Variants in PAK1 observed in about 807,000 individuals in gnomAD.
The protein encoded by PAK1 is serine/threonine-protein kinase PAK 1.
A neutral mutation model predicts 67.4 loss-of-function variants in PAK1; 29 were observed. The observed-to-expected ratio is 0.43, with a 90% CI of 0.32 to 0.59. The LOEUF is 0.59. Ranked by LOEUF, PAK1 falls within the 20% of genes least tolerant of loss-of-function variation. The pLI is 0.07. For missense variants in PAK1, 337 were observed against 670.7 expected, an observed-to-expected ratio of 0.50 and a Z score of 5.50; for synonymous variants, 223 against 237.4, an observed-to-expected ratio of 0.94 and a Z score of 0.56.
chr11:77,405,578 G>A (rs1953368795), intron 1 of PAK1, among the ~76,000 whole-genome samples: 1 of 150,754 alleles, frequency 6.6e-6, no homozygotes, highest in South Asian at 2.1e-4. Flanking sequence ...GAAAAATTAA[G>A]ATGGTATCTA....
At chr11:77,451,205 GAGAAAACAGCAGACGCA>G (rs557066072) in intron 1 of PAK1, among the ~76,000 whole-genome samples, 124 of 152,300 alleles carry the variant, frequency 8.1e-4, no homozygotes, top group African/African-American at 2.8e-3. Flanking sequence ...CTTAGCATAT[GAGAAAACAGCAGACGCA>G]AGAAAGTATT....
intron 1 of PAK1, among the ~76,000 whole-genome samples, chr11:77,411,063 C>A (rs1006569167): frequency 6.6e-6 from 1 of 152,046 alleles, no homozygotes; most frequent in Non-Finnish European, 1.5e-5. Flanking sequence ...ACCTACGCAT[C>A]ACACTAAAAT....
intron 1 of PAK1, among the ~76,000 whole-genome samples, chr11:77,458,419 T>C (rs1565717121): frequency 6.6e-6 from 1 of 152,200 alleles, no homozygotes; most frequent in Non-Finnish European, 1.5e-5. Flanking sequence ...CCTCCGAATG[T>C]CCTGTTATGT....
Position 77,387,371 on chromosome 11 carries a change from G to A in PAK1, c.190+4960C>T, listed in dbSNP as rs555796145. Reference sequence around the variant, plus strand: ...TACAGGCGTGAGCCACTTGCACCCCGCCCTGTATTTTTTAAAAGCACCATA... The same window carrying A: ...TACAGGCGTGAGCCACTTGCACCCCACCCTGTATTTTTTAAAAGCACCATA... On this transcript the variant is annotated intron_variant, in intron 2 of 14. Coordinates refer to ENST00000356341, the MANE Select transcript of PAK1 (RefSeq NM_002576.5). Among the ~76,000 whole-genome samples, 178 of 152,210 alleles carry A rather than the reference G, an allele frequency of 1.2e-3. 1 individual carries two copies. Among genetic ancestry groups the A allele is most frequent in the African/African-American group, 3.6e-3 (148 of 41,528 alleles).
intron 9 of PAK1, among the ~76,000 whole-genome samples, chr11:77,345,904 C>T (rs184009110): frequency 6.6e-6 from 1 of 152,178 alleles, no homozygotes; most frequent in African/African-American, 2.4e-5. Flanking sequence ...GTGGTCACTG[C>T]TGGCAGCAGC....
chr11:77,415,819 C>T (rs1013524693), intron 1 of PAK1, among the ~76,000 whole-genome samples: 4 of 151,802 alleles, frequency 2.6e-5, no homozygotes, highest in Admixed American at 1.3e-4. Context: ...AATAAATTAA[C>T]CTTAACTTCC....
At chr11:77,399,212 G>A (rs1952259474) in intron 1 of PAK1, among the ~76,000 whole-genome samples, 1 of 152,138 alleles carries the variant, frequency 6.6e-6, no homozygotes, top group African/African-American at 2.4e-5. Context: ...AATATGACCT[G>A]ACCCTAGAGG....
intron 14 of PAK1, among the ~76,000 whole-genome samples, chr11:77,324,542 A>G (rs1939231950): frequency 6.6e-6 from 1 of 152,066 alleles, no homozygotes. Flanking sequence ...AACATTTAGT[A>G]GTAAAAAAGC....
At chr11:77,360,167 C>T (rs1000017096) in intron 5 of PAK1, among the ~76,000 whole-genome samples, 43 of 152,190 alleles carry the variant, frequency 2.8e-4, no homozygotes, top group African/African-American at 1.0e-3. Flanking sequence ...ACTAGAGGTA[C>T]TGACTGTGGG....
intron 1 of PAK1, among the ~76,000 whole-genome samples, chr11:77,414,968 G>A (rs1162471318): frequency 6.6e-6 from 1 of 151,918 alleles, no homozygotes; most frequent in African/African-American, 2.4e-5. Flanking sequence ...CACAGACTGG[G>A]AGAAAACACA....
At chr11:77,393,186 A>G (rs1467781334) in intron 1 of PAK1, among the ~76,000 whole-genome samples, 2 of 151,332 alleles carry the variant, frequency 1.3e-5, no homozygotes, top group African/African-American at 4.9e-5. Flanking sequence ...ATTATTTACT[A>G]TCTTGCCCTT....
intron 3 of PAK1, 53 bp from the exon 4 acceptor site, chr11:77,379,441 G>A: frequency 6.4e-7 from 1 of 1,555,342 alleles, no homozygotes; most frequent in East Asian, 2.3e-5. Context: ...AGGGGAGCCT[G>A]AAAGAACATC....
chr11:77,335,496 C>G (rs1942532829), intron 13 of PAK1, among the ~76,000 whole-genome samples: 1 of 152,202 alleles, frequency 6.6e-6, no homozygotes, highest in Admixed American at 6.5e-5. Context: ...TCCTCTTTCT[C>G]TAATATTCAG....
chr11:77,379,731 T>C (rs1054869121), intron 3 of PAK1, among the ~76,000 whole-genome samples, 163 bp downstream of exon 3: 1 of 152,188 alleles, frequency 6.6e-6, no homozygotes, highest in Admixed American at 6.5e-5. Context: ...CTTCTCTGGA[T>C]ACAATTTTGG....
chr11:77,376,818 T>C (rs560011084), intron 4 of PAK1, among the ~76,000 whole-genome samples: 2 of 152,238 alleles, frequency 1.3e-5, no homozygotes, highest in African/African-American at 4.8e-5. Flanking sequence ...GTGCTTCGGT[T>C]ATAGGCAGCA....
chr11:77,344,692 A>G (rs1944137105), intron 9 of PAK1, among the ~76,000 whole-genome samples: 2 of 152,244 alleles, frequency 1.3e-5, no homozygotes, highest in Non-Finnish European at 2.9e-5. Flanking sequence ...TGACTTGCAT[A>G]CATAGCTATT....
chr11:77,396,907 C>T (rs549173368), intron 1 of PAK1: 16 of 152,204 alleles, frequency 1.1e-4, no homozygotes, highest in Non-Finnish European at 2.1e-4. Flanking sequence ...TTTTGTATAT[C>T]TACACTCATC....
At chr11:77,443,785 A>G (rs1446717833) in intron 1 of PAK1, among the ~76,000 whole-genome samples, 1 of 152,206 alleles carries the variant, frequency 6.6e-6, no homozygotes, top group African/African-American at 2.4e-5. Context: ...AAAAGGAAGC[A>G]AAATCACAGT....
chr11:77,513,680 A>AAAG, the PAK1 span, among the ~76,000 whole-genome samples: 2 of 150,640 alleles, frequency 1.3e-5, no homozygotes, highest in African/African-American at 4.9e-5. Flanking sequence ...CAAAAAAAAA[A>AAAG]AAAAAAAAAA....
Sources: gnomAD v4.1 joint callset for allele counts (sites outside exome capture counted in the v4.1 genomes callset) on GRCh38, gnomAD v4.1.1 for gene constraint, MANE v1.5 for transcripts, NCBI Gene and HGNC (gene_info 2026-07-23, HGNC 2026-07-21) for gene names.